The following MYO3A variants were observed in gnomAD, a reference collection of about 807,000 sequenced individuals.
MYO3A encodes myosin-IIIa.
MYO3A carries 180 observed loss-of-function variants against 192.7 expected under a neutral mutation model. That is an observed-to-expected ratio of 0.93 (90% confidence interval 0.83 to 1.06). MYO3A has a LOEUF of 1.06. MYO3A is among the 50% of genes least tolerant of loss of function. The pLI, the probability that MYO3A is intolerant of heterozygous loss-of-function variation, is 0.00. For synonymous variants in MYO3A, 628 were observed against 645.3 expected, an observed-to-expected ratio of 0.97 and a Z score of 0.41; for missense variants, 1,896 against 1,905.0, an observed-to-expected ratio of 1.00 and a Z score of 0.09.
chr10:26,053,187 AAT>A (rs1004328691), intron 10 of MYO3A, among the ~76,000 whole-genome samples: 5 of 146,792 alleles, frequency 3.4e-5, no homozygotes, highest in African/African-American at 1.2e-4. Context: ...AAACATATTT[AAT>A]ATATATATGT....
In MYO3A at chr10:25,954,356, A is replaced by G. The variant is rs527617713; in HGVS notation, c.169-518A>G. Among the ~76,000 whole-genome samples the G allele has an allele frequency of 2.0e-5, 3 of 152,228 alleles. No homozygotes were observed. The South Asian group carries it at 6.2e-4, about 32-fold the overall frequency. On this transcript the variant is annotated intron_variant, in intron 3 of 34. Coordinates refer to ENST00000642920, the MANE Select transcript of MYO3A (RefSeq NM_017433.5). ...TTCTTCTTTTGGTGAATGGACCTTT[A>G]GATCACTAAAGGTTTTGTGCAATCT...
chr10:26,105,560 G>A (rs978798058), intron 17 of MYO3A, among the ~76,000 whole-genome samples: 1 of 151,848 alleles, frequency 6.6e-6, no homozygotes, highest in African/African-American at 2.4e-5. Context: ...TATGCTTTAT[G>A]TCAATTTGTA....
At chr10:26,005,222 C>G (rs1841107067) in intron 6 of MYO3A, among the ~76,000 whole-genome samples, 3 of 152,122 alleles carry the variant, frequency 2.0e-5, no homozygotes, top group Non-Finnish European at 4.4e-5. Flanking sequence ...AGCATCACTT[C>G]TGTGATGTTC....
At chr10:25,990,737 T>C (rs1839970533) in intron 4 of MYO3A, among the ~76,000 whole-genome samples, 1 of 148,722 alleles carries the variant, frequency 6.7e-6, no homozygotes, top group African/African-American at 2.5e-5. Flanking sequence ...GTTCAATTCT[T>C]ACCTGTGAGT....
chr10:26,171,811 GACTAATTGT>G (rs892564067), intron 29 of MYO3A, among the ~76,000 whole-genome samples: 8 of 152,128 alleles, frequency 5.3e-5, no homozygotes, highest in African/African-American at 1.9e-4. Context: ...AAGAAAGATG[GACTAATTGT>G]ACTACTTCTA....
chr10:26,190,443 A>C (rs1469699735), intron 31 of MYO3A, among the ~76,000 whole-genome samples: 1 of 152,162 alleles, frequency 6.6e-6, no homozygotes, highest in African/African-American at 2.4e-5. Context: ...TTCAGTAAGG[A>C]GTAAGAAATT....
intron 29 of MYO3A, among the ~76,000 whole-genome samples, chr10:26,172,375 C>T (rs1015726716): frequency 2.0e-5 from 3 of 152,200 alleles, no homozygotes; most frequent in East Asian, 1.9e-4. Context: ...GTCCTCCCCA[C>T]GCTGGAGCTC....
chr10:26,082,470 A>T (rs984834191), intron 14 of MYO3A, among the ~76,000 whole-genome samples: 7 of 151,966 alleles, frequency 4.6e-5, no homozygotes, highest in African/African-American at 1.7e-4. Context: ...TCTAACAGTT[A>T]TTTTTTTGGG....
intron 6 of MYO3A, among the ~76,000 whole-genome samples, chr10:26,003,002 T>A (rs747159792): frequency 1.4e-4 from 21 of 152,134 alleles, no homozygotes; most frequent in Non-Finnish European, 2.8e-4. Flanking sequence ...AGTGCTAACA[T>A]TTTGAAAGTA....
intron 14 of MYO3A, among the ~76,000 whole-genome samples, chr10:26,074,492 C>T (rs752541081): frequency 1.4e-4 from 21 of 151,158 alleles, no homozygotes; most frequent in Non-Finnish European, 3.0e-4. Flanking sequence ...ATTTTCTGTT[C>T]TGCTCCTTTG....
At chr10:25,953,576 G>A (rs1438801608) in intron 3 of MYO3A, among the ~76,000 whole-genome samples, 1 of 152,074 alleles carries the variant, frequency 6.6e-6, no homozygotes. Context: ...GGATTCAGGT[G>A]TGTGGCAGCA....
rs764162442 is a variant in MYO3A, at chr10:26,212,014, C to T, written c.*51C>T. ...TCGGAAGGCGCTGGAGCCTGCGGGG[C>T]AGCAGGGGCCAAGCAGGCACTCTGG... On this transcript the variant is annotated 3_prime_UTR_variant, in exon 35 of 35. Transcript: ENST00000642920. 5.6e-6 allele frequency: 9 copies of T among 1,593,184 alleles called. No individual in the cohort carries two copies. The highest frequency in any genetic ancestry group is 7.7e-6 in the Non-Finnish European group (9 of 1,166,822).
intron 17 of MYO3A, among the ~76,000 whole-genome samples, chr10:26,114,251 C>A (rs1273954948): frequency 6.6e-6 from 1 of 152,128 alleles, no homozygotes; most frequent in Non-Finnish European, 1.5e-5. Context: ...GAGATCTGGT[C>A]ATTGTTCTCT....
intron 20 of MYO3A, among the ~76,000 whole-genome samples, chr10:26,141,562 T>C (rs936782117): frequency 3.3e-5 from 5 of 152,150 alleles, no homozygotes; most frequent in African/African-American, 1.2e-4. Context: ...ACAAATGCAT[T>C]AGTTTAGACC....
At chr10:26,097,465 C>A (rs930657521) in intron 17 of MYO3A, among the ~76,000 whole-genome samples, 1 of 151,882 alleles carries the variant, frequency 6.6e-6, no homozygotes, top group Non-Finnish European at 1.5e-5. Context: ...TATACATGTG[C>A]CATGTTGGTG....
intron 2 of MYO3A, among the ~76,000 whole-genome samples, chr10:25,938,261 C>G (rs1836243296): frequency 3.3e-5 from 5 of 152,098 alleles, no homozygotes; most frequent in Admixed American, 3.3e-4. Context: ...TTGGGGAAAG[C>G]ATCTAGGCAA....
At chr10:25,997,808 A>G (rs1162193377) in intron 6 of MYO3A, among the ~76,000 whole-genome samples, 1 of 152,198 alleles carries the variant, frequency 6.6e-6, no homozygotes, top group Non-Finnish European at 1.5e-5. Context: ...CAGAGCTGAG[A>G]GAGGGGAAGA....
intron 17 of MYO3A, among the ~76,000 whole-genome samples, chr10:26,106,070 G>A (rs1396845336): frequency 7.2e-5 from 11 of 151,982 alleles, no homozygotes; most frequent in Middle Eastern, 3.4e-3. Flanking sequence ...TCCTGCTCTC[G>A]CTTTCTTCTT....
At chr10:25,973,239 A>G (rs1456009044) in intron 4 of MYO3A, among the ~76,000 whole-genome samples, 1 of 152,112 alleles carries the variant, frequency 6.6e-6, no homozygotes, top group Admixed American at 6.5e-5. Flanking sequence ...TTCTCTTTGT[A>G]GCAATCGTGA....
Sources: allele counts gnomAD v4.1 joint callset (sites outside exome capture counted in the v4.1 genomes callset), GRCh38; gene constraint gnomAD v4.1.1; transcripts MANE v1.5; gene names NCBI Gene and HGNC (gene_info 2026-07-23, HGNC 2026-07-21).